Variants in SRP19 observed in about 807,000 individuals in gnomAD.
SRP19 encodes the protein signal recognition particle 19 kDa protein.
Under a neutral mutation model 22.4 loss-of-function variants are expected in SRP19, and 11 were observed. The ratio of observed to expected loss-of-function variants is 0.49; its 90% CI spans 0.31 to 0.81. SRP19 has a LOEUF of 0.81. Ranked by LOEUF, SRP19 falls within the 40% of genes least tolerant of loss-of-function variation. The pLI is 0.05. For missense variants in SRP19, 168 were observed against 175.9 expected (o/e 0.96, Z 0.25); for synonymous variants, 61 against 57.6 (o/e 1.06, Z -0.27).
intron 4 of SRP19, chr5:112,887,070 C>A: frequency 6.2e-7 from 1 of 1,613,572 alleles, no homozygotes; most frequent in Non-Finnish European, 8.5e-7. Context: ...GGTCCTTGAC[C>A]ACACTGTCCA....
intron 4 of SRP19, chr5:112,864,973 T>C (rs1393625410): frequency 6.0e-6 from 2 of 332,286 alleles, no homozygotes; most frequent in South Asian, 8.7e-5. Context: ...GAACATTTTA[T>C]AAACCTCTGG....
chr5:112,885,544 C>T (rs1489406645), intron 4 of SRP19: 4 of 240,110 alleles, frequency 1.7e-5, no homozygotes, highest in Non-Finnish European at 3.5e-5. Context: ...TGGAAGTAAA[C>T]ATCAACTACC....
intron 4 of SRP19, among the ~76,000 whole-genome samples, chr5:112,875,828 T>G (rs1332397194): frequency 6.6e-6 from 1 of 151,690 alleles, no homozygotes. Context: ...GGGTGGATCA[T>G]GAGGTCAGGA....
chr5:112,887,035 G>A, intron 4 of SRP19: 1 of 1,609,434 alleles, frequency 6.2e-7, no homozygotes, highest in East Asian at 2.2e-5. Context: ...GATGGCATCT[G>A]CAGTCTCTTT....
downstream of SRP19, among the ~76,000 whole-genome samples, chr5:112,874,289 G>C (rs1767846135): frequency 6.6e-6 from 1 of 152,158 alleles, no homozygotes; most frequent in African/African-American, 2.4e-5. Flanking sequence ...GACCAGCCTG[G>C]CTAACAAAGG....
At chr5:112,892,034 A>G in exon 5 of SRP19, 1 of 1,422,956 alleles carries the variant, frequency 7.0e-7, no homozygotes, top group South Asian at 1.1e-5. Context: ...CAGAAACAAC[A>G]GGAGAAGAAA....
At chr5:112,865,281 G>A (rs1647750617) in intron 4 of SRP19, 1 of 152,290 alleles carries the variant, frequency 6.6e-6, no homozygotes, top group Non-Finnish European at 1.5e-5. Context: ...TCTTAAGAGA[G>A]TAGTCACCTA....
At chr5:112,861,536 T>A (rs997648963) in intron 1 of SRP19, 119 bp downstream of exon 1, 3 of 1,087,706 alleles carry the variant, frequency 2.8e-6, no homozygotes, top group Non-Finnish European at 1.3e-6. Context: ...CAACTCGCTC[T>A]GTACGGGCCC....
downstream of SRP19, chr5:112,894,374 T>G (rs1768613385): frequency 6.6e-6 from 1 of 152,248 alleles, no homozygotes; most frequent in South Asian, 2.1e-4. Context: ...CTTGGCCTCC[T>G]AATGTGCTTA....
Position 112,864,689 on chromosome 5 carries a change from C to T in SRP19, c.258C>T (p.Leu86=). The T allele has an allele frequency of 6.2e-7, 1 of 1,614,094 alleles. No homozygotes were observed. Among genetic ancestry groups the T allele is most frequent in the South Asian group, 1.1e-5 (1 of 91,066 alleles). Residue 86 remains leucine (L), a synonymous_variant, in exon 4 of 5, where the codon CTC becomes CTT. Transcript: ENST00000505459. ...ACAGAGGCAGAGTCCGGGTCCAGCT[C>T]AAACAGGAAGATGGGAGCCTCTGCC... is the stretch of plus-strand genomic sequence containing the variant. ...VQYRGRVRVQ[L]KQEDGSLCLV...
At chr5:112,877,286 G>T (rs1234883868) in intron 4 of SRP19, 1 of 152,024 alleles carries the variant, frequency 6.6e-6, no homozygotes, top group Non-Finnish European at 1.5e-5. Context: ...TTATCTCAAG[G>T]TGAGCTAATC....
At chr5:112,872,917 G>A (rs1767788352), downstream of SRP19, among the ~76,000 whole-genome samples, 1 of 146,878 alleles carries the variant, frequency 6.8e-6, no homozygotes, top group South Asian at 2.3e-4. Context: ...TACATTGTTT[G>A]GCTGGATATA....
rs1767968335 is a variant in SRP19 at position 112,878,615 on chromosome 5, T to C, written c.302-12988T>C. 5 of 965,030 alleles carry C rather than the reference T, an allele frequency of 5.2e-6. No individual in the cohort carries two copies. In the Admixed American group the frequency reaches 1.5e-4, roughly 29 times the overall value. 59.8% of individuals were successfully genotyped at this position (965,030 alleles called of 1,614,324 possible). A position where few individuals can be genotyped will look rare whatever the true frequency, so the allele number is the denominator to read the frequency against. Reference sequence around the variant, plus strand: ...CATTAAGTTTAAAGTGCTCCCTATATATATAGACAGTAAAAGTAAGCAAAG... The same window carrying C: ...CATTAAGTTTAAAGTGCTCCCTATACATATAGACAGTAAAAGTAAGCAAAG... On this transcript the variant is annotated intron_variant, in intron 4 of 4. Transcript: ENST00000391338.
In SRP19 at chr5:112,868,894, C is replaced by CT. The variant is rs58562340; in HGVS notation, c.*1368dup. ...AGGCATGAGCTAGCTGGCCTGTTGA[C>CT]TTTTTTTTTTTAACTCTAACAATTT... is the stretch of plus-strand genomic sequence containing the variant. On this transcript the variant is annotated 3_prime_UTR_variant, in exon 5 of 5. Transcript: ENST00000505459. The CT allele has an allele frequency of 4.7e-4, 69 of 147,372 alleles. 1 individual carries two copies. Among genetic ancestry groups the CT allele is most frequent in the East Asian group, 1.2e-3 (6 of 5,078 alleles). 9.1% of individuals were successfully genotyped at this position (147,372 alleles called of 1,614,324 possible).
At chr5:112,878,822 G>C in intron 4 of SRP19, 1 of 1,613,984 alleles carries the variant, frequency 6.2e-7, no homozygotes, top group South Asian at 1.1e-5. Context: ...GTAAATTCAC[G>C]GTAGCTTTCT....
intron 4 of SRP19, among the ~76,000 whole-genome samples, chr5:112,890,907 T>G (rs546316436): frequency 6.6e-6 from 1 of 150,740 alleles, no homozygotes; most frequent in East Asian, 2.0e-4. Flanking sequence ...TTTACCCCTA[T>G]AATTTTGTAA....
At chr5:112,891,220 G>A (rs924411114) in intron 4 of SRP19, among the ~76,000 whole-genome samples, 5 of 151,988 alleles carry the variant, frequency 3.3e-5, no homozygotes, top group Admixed American at 6.6e-5. Context: ...TTACAGGCAC[G>A]TGCTACCAAG....
chr5:112,868,172 G>A lies in SRP19; in HGVS notation c.*635G>A. 6 of 985,428 alleles carry A rather than the reference G, an allele frequency of 6.1e-6. No individual in the cohort carries two copies. Among genetic ancestry groups the A allele is most frequent in the Non-Finnish European group, 7.2e-6 (6 of 829,938 alleles). 61.0% of individuals were successfully genotyped at this position (985,428 alleles called of 1,614,324 possible). On this transcript the variant is annotated 3_prime_UTR_variant, in exon 5 of 5. Transcript: ENST00000505459. Reference sequence around the variant, plus strand: ...AAATTTGCTTATTTTGTAGGTTTAAGAACATGATTTTCATGGGAGTTGTAA... The same window carrying A: ...AAATTTGCTTATTTTGTAGGTTTAAAAACATGATTTTCATGGGAGTTGTAA...
In SRP19 at chr5:112,862,860, G is replaced by A. The variant is rs553506686; in HGVS notation, c.117+277G>A. Among the ~76,000 whole-genome samples the A allele has an allele frequency of 2.8e-4, 43 of 152,284 alleles. No individual in the cohort carries two copies. In the East Asian group the frequency reaches 7.1e-3, roughly 25 times the overall value. On this transcript the variant is annotated intron_variant, in intron 2 of 4. Transcript: ENST00000505459. Reference sequence around the variant, plus strand: ...AGAGTTCACATGTTTTTAAAACAAAGGTTATGACGGTGTTTCCCTTGATAT... The same window carrying A: ...AGAGTTCACATGTTTTTAAAACAAAAGTTATGACGGTGTTTCCCTTGATAT...
Sources: gnomAD v4.1 joint callset for allele counts (sites outside exome capture counted in the v4.1 genomes callset) on GRCh38, gnomAD v4.1.1 for gene constraint, MANE v1.5 for transcripts, NCBI Gene and HGNC (gene_info 2026-07-23, HGNC 2026-07-21) for gene names.